CEP192: variants seen among roughly 807,000 people sequenced by gnomAD.
CEP192 encodes centrosomal protein 192.
In CEP192, 151 loss-of-function variants were observed where a neutral mutation model predicts 271.8. The observed-to-expected ratio is 0.56, with a 90% CI of 0.49 to 0.64. The LOEUF (loss-of-function observed/expected upper bound fraction) is 0.64, where lower values mean the gene tolerates loss of function less well. CEP192 is among the 30% of genes least tolerant of loss of function. The pLI is 0.00. For missense variants in CEP192, 2,910 were observed against 3,020.5 expected (o/e 0.96, Z 0.86); for synonymous variants, 995 against 1,076.5 (o/e 0.92, Z 1.48).
chr18:13,052,905 C>T lies in CEP192; in HGVS notation c.3018-14C>T, dbSNP rs751530515. 7 of 1,567,670 alleles carry T rather than the reference C, an allele frequency of 4.5e-6. No homozygotes were observed. Among genetic ancestry groups the T allele is most frequent in the African/African-American group, 4.1e-5 (3 of 73,610 alleles). On this transcript the variant is annotated splice_polypyrimidine_tract_variant and intron_variant, in intron 17 of 44. Coordinates refer to ENST00000506447, the MANE Select transcript of CEP192 (RefSeq NM_032142.4). Reference sequence around the variant, plus strand: ...ACTGGAGAACTCCAGGTGTGAGCTACTCTTCTCTTTCAGGTGTGCGTTAGA... The same window carrying T: ...ACTGGAGAACTCCAGGTGTGAGCTATTCTTCTCTTTCAGGTGTGCGTTAGA...
chr18:13,015,330 T>C lies in CEP192; in HGVS notation c.522T>C (p.Ile174=), dbSNP rs2034582179. ...ACTTGCCATTTTGTTTCTTATAGATTGTTGTGCTTGATGCTGGAAAACATT... is the reference window on the plus strand; with the variant it reads ...ACTTGCCATTTTGTTTCTTATAGATCGTTGTGCTTGATGCTGGAAAACATT... ...QSWMNNKEPK[I]VVLDAGKHFE... Residue 174 remains isoleucine, a splice_region_variant and synonymous_variant, in exon 6 of 45, where the codon ATT becomes ATC. Coordinates refer to ENST00000506447, the MANE Select transcript of CEP192 (RefSeq NM_032142.4). The C allele has an allele frequency of 6.4e-7, 1 of 1,550,658 alleles. No individual in the cohort carries two copies. Among genetic ancestry groups the C allele is most frequent in the South Asian group, 1.2e-5 (1 of 83,996 alleles).
chr18:13,053,152 G>A, intron 18 of CEP192, 62 bp downstream of exon 18: 1 of 1,343,152 alleles, frequency 7.4e-7, no homozygotes, highest in Non-Finnish European at 1.0e-6. Flanking sequence ...GTTAACAGAT[G>A]TTTGATTCAG....
In CEP192 at chr18:13,015,390, C is replaced by G. The variant is rs117292623; in HGVS notation, c.582C>G (p.His194Gln). 10,679 of 1,549,756 alleles carry G rather than the reference C, an allele frequency of 6.9e-3. 46 individuals carry two copies. Among genetic ancestry groups the G allele is most frequent in the Non-Finnish European group, 8.2e-3 (9,410 of 1,145,280 alleles). ...AGACTCTAAAGAGTGACCTAAGCCACACTAGCTTATTAGAAAATGAGAAAC... is the reference window on the plus strand; with the variant it reads ...AGACTCTAAAGAGTGACCTAAGCCAGACTAGCTTATTAGAAAATGAGAAAC... ...EDKTLKSDLS[H>Q]TSLLENEKLI... The change falls in exon 6 of 45, where the codon CAC becomes CAG. Residue 194 changes from histidine to glutamine, a missense_variant. Transcript: ENST00000506447.
At chr18:13,080,348 T>C (rs2038528401) in intron 30 of CEP192, among the ~76,000 whole-genome samples, 1 of 152,222 alleles carries the variant, frequency 6.6e-6, no homozygotes, top group African/African-American at 2.4e-5. Context: ...GAAGAGTTCC[T>C]TCACATCCCT....
intron 40 of CEP192, among the ~76,000 whole-genome samples, chr18:13,107,882 C>CAA (rs1455080292): frequency 1.2e-5 from 1 of 80,098 alleles, no homozygotes; most frequent in African/African-American, 4.7e-5. Context: ...GATAGTATCT[C>CAA]CAAAAAAAAA....
chr18:13,090,517 T>A (rs1391219232), intron 33 of CEP192, among the ~76,000 whole-genome samples: 1 of 152,214 alleles, frequency 6.6e-6, no homozygotes, highest in African/African-American at 2.4e-5. Context: ...GAATGTATTT[T>A]GCTTCTGAAA....
chr18:13,090,626 G>C (rs997303533), intron 33 of CEP192, among the ~76,000 whole-genome samples: 5 of 152,094 alleles, frequency 3.3e-5, no homozygotes, highest in African/African-American at 1.2e-4. Context: ...TCTGCTCAAA[G>C]GGAAGGCAAG....
chr18:13,001,390 T>C (rs1367036040), intron 2 of CEP192, 67 bp from the exon 3 acceptor site: 12 of 1,162,982 alleles, frequency 1.0e-5, no homozygotes, highest in Admixed American at 4.7e-5. Context: ...CGCAGCCCTA[T>C]GTCATGATGA....
In CEP192 at chr18:13,055,813, A is replaced by G. The variant is rs988916201; in HGVS notation, c.3223A>G (p.Ile1075Val). ...CACCAGCGAGTTGAGTACCACAATT[A>G]TTCAAGGCAGTCCAGCCGCATTGGA... ...DITSELSTTI[I>V]QGSPAALEER... The change falls in exon 19 of 45, where the codon ATT (isoleucine) becomes GTT (valine). Residue 1075 changes from isoleucine (I) to valine (V), a missense_variant. Coordinates refer to ENST00000506447, the MANE Select transcript of CEP192 (RefSeq NM_032142.4). 2 of 1,594,584 alleles carry G rather than the reference A, an allele frequency of 1.3e-6. No individual in the cohort carries two copies. Among genetic ancestry groups the G allele is most frequent in the East Asian group, 4.5e-5 (2 of 44,800 alleles).
chr18:13,045,545 T>C (rs1410359907), intron 15 of CEP192, among the ~76,000 whole-genome samples: 2 of 152,232 alleles, frequency 1.3e-5, no homozygotes, highest in Non-Finnish European at 2.9e-5. Context: ...TCTGCTTCAC[T>C]TAGGTGAGAT....
chr18:13,074,042 A>G (rs2038146134), intron 30 of CEP192, among the ~76,000 whole-genome samples: 1 of 152,234 alleles, frequency 6.6e-6, no homozygotes, highest in Non-Finnish European at 1.5e-5. Flanking sequence ...GAGGAAAGGA[A>G]GCAACGGCAA....
chr18:13,071,010 C>T (rs762166800), intron 27 of CEP192, 29 bp from the exon 28 acceptor site: 1 of 1,589,970 alleles, frequency 6.3e-7, no homozygotes, highest in Non-Finnish European at 8.6e-7. Flanking sequence ...GAATACAGGA[C>T]CTTCAACTTA....
intron 40 of CEP192, among the ~76,000 whole-genome samples, chr18:13,105,308 T>G (rs2039899396): frequency 6.6e-6 from 1 of 152,232 alleles, no homozygotes; most frequent in South Asian, 2.1e-4. Context: ...GACCACAGAC[T>G]GCCAGTGCTT....
rs146144236 is a variant in CEP192, at chr18:12,995,122, C to T, written c.-5+3685C>T. Among the ~76,000 whole-genome samples, 358 of 141,720 alleles carry T rather than the reference C, an allele frequency of 2.5e-3. 3 individuals carry two copies. The highest frequency in any genetic ancestry group is 8.5e-3 in the African/African-American group (321 of 37,848). 93.0% of individuals were successfully genotyped at this position (141,720 alleles called of 152,430 possible). A position where few individuals can be genotyped will look rare whatever the true frequency, so the allele number is the denominator to read the frequency against. On this transcript the variant is annotated intron_variant, in intron 1 of 44. Transcript: ENST00000506447. Reference sequence around the variant, plus strand: ...TGTCGCCCAGGCTGGAGTACAGTGGCGCGATCTCGGCTCCCTGCAAGCTCT... The same window carrying T: ...TGTCGCCCAGGCTGGAGTACAGTGGTGCGATCTCGGCTCCCTGCAAGCTCT...
At chr18:13,027,676 TC>T (rs767835746) in intron 9 of CEP192, among the ~76,000 whole-genome samples, 13 of 152,196 alleles carry the variant, frequency 8.5e-5, no homozygotes, top group Admixed American at 2.6e-4. Flanking sequence ...AGTGGCGACT[TC>T]CAAGCCCTTT....
chr18:13,087,457 A>C (rs2038949133), intron 31 of CEP192, 74 bp from the exon 32 acceptor site: 4 of 970,472 alleles, frequency 4.1e-6, no homozygotes, highest in African/African-American at 3.3e-5. Flanking sequence ...TTAGGCTCGT[A>C]AGATTGTTGA....
chr18:13,096,357 G>T, intron 36 of CEP192, 50 bp downstream of exon 36: 1 of 1,587,012 alleles, frequency 6.3e-7, no homozygotes. Flanking sequence ...TGCTGGCTTG[G>T]TGACTTTCTA....
In CEP192 at chr18:13,100,329, G is replaced by A. The variant is rs1288271050; in HGVS notation, c.6688G>A (p.Glu2230Lys). ...GAAAATTGTGAAAGTTCAAATTCGA[G>A]AAGATTTAACTCAAGTGGAACTTTT... is the stretch of plus-strand genomic sequence containing the variant. ...QKKIVKVQIR[E>K]DLTQVELLTR... The change falls in exon 38 of 45, where the codon GAA becomes AAA. Residue 2230 changes from glutamate (E) to lysine (K), a missense_variant. Coordinates refer to ENST00000506447, the MANE Select transcript of CEP192 (RefSeq NM_032142.4). 1 of 1,613,900 alleles carries A rather than the reference G, an allele frequency of 6.2e-7. No homozygotes were observed. Among genetic ancestry groups the A allele is most frequent in the Admixed American group, 1.7e-5 (1 of 60,006 alleles).
intron 21 of CEP192, among the ~76,000 whole-genome samples, chr18:13,067,535 T>C (rs533945398): frequency 1.3e-5 from 2 of 152,350 alleles, no homozygotes; most frequent in East Asian, 3.9e-4. Flanking sequence ...ATAGAACCCA[T>C]TGAAAAGGGG....
Sources: allele counts gnomAD v4.1 joint callset (sites outside exome capture counted in the v4.1 genomes callset), GRCh38; gene constraint gnomAD v4.1.1; transcripts MANE v1.5; gene names NCBI Gene and HGNC (gene_info 2026-07-23, HGNC 2026-07-21).